SNX29: variants seen among roughly 807,000 people sequenced by gnomAD.
SNX29 encodes sorting nexin 29, also known as sorting nexin-29.
A neutral mutation model predicts 102.1 loss-of-function variants in SNX29; 78 were observed. That is an observed-to-expected ratio of 0.76 (90% CI 0.64 to 0.92). SNX29 has a LOEUF of 0.92. Ranked by LOEUF, SNX29 falls within the 40% of genes least tolerant of loss-of-function variation. The pLI is 0.00. For missense variants in SNX29, 1,280 were observed against 1,061.7 expected, an observed-to-expected ratio of 1.21 and a Z score of -2.86; for synonymous variants, 580 against 414.5, an observed-to-expected ratio of 1.40 and a Z score of -4.85.
intron 15 of SNX29, among the ~76,000 whole-genome samples, chr16:12,321,809 C>T (rs542608021): frequency 7.2e-5 from 11 of 152,306 alleles, no homozygotes; most frequent in African/African-American, 2.6e-4. Flanking sequence ...CTACCACCCA[C>T]TCAAAGAGCA....
intron 17 of SNX29, among the ~76,000 whole-genome samples, chr16:12,402,626 A>G (rs1183938670): frequency 1.6e-4 from 25 of 152,218 alleles, no homozygotes; most frequent in Admixed American, 1.6e-3. Context: ...TAAAGTCATC[A>G]CAGAAGACAA....
At chr16:12,069,951 T>C (rs2051219407) in intron 10 of SNX29, among the ~76,000 whole-genome samples, 1 of 133,012 alleles carries the variant, frequency 7.5e-6, no homozygotes, top group Non-Finnish European at 1.6e-5. Flanking sequence ...GTGCTGGGAT[T>C]ACAGGCCACC....
At position 12,571,959 on chromosome 16, in the gene SNX29, A is replaced by G. The variant is rs979491131; in HGVS notation, c.*3330A>G. 1.1e-4 allele frequency: 113 copies of G among 1,061,592 alleles called. No individual in the cohort carries two copies. The highest frequency in any genetic ancestry group is 1.3e-4 in the Non-Finnish European group (111 of 876,980). The allele number at this position is 1,061,592 out of a possible 1,614,324, so 65.8% of individuals were successfully genotyped here. On this transcript the variant is annotated 3_prime_UTR_variant, in exon 21 of 21. Coordinates refer to ENST00000566228, the MANE Select transcript of SNX29 (RefSeq NM_032167.5). The stretch of plus-strand genomic sequence containing the variant: ...ACACTTTCAGGGAAGAGGCTCTTAC[A>G]GTCTATGGTGGTAGCCATCTTCACA...
chr16:12,479,243 C>G (rs1348330314), intron 19 of SNX29, among the ~76,000 whole-genome samples: 1 of 152,208 alleles, frequency 6.6e-6, no homozygotes, highest in Admixed American at 6.5e-5. Flanking sequence ...TTGACAAAGC[C>G]ATGTGGCAGA....
At chr16:12,027,224 C>T (rs550615304) in intron 3 of SNX29, 96 bp from the exon 4 acceptor site, 49 of 1,512,482 alleles carry the variant, frequency 3.2e-5, no homozygotes, top group Non-Finnish European at 4.0e-5. Flanking sequence ...CTGAGGTTTA[C>T]ACCTGGCGGC....
chr16:12,180,192 A>G (rs887215642), intron 13 of SNX29, among the ~76,000 whole-genome samples: 1 of 152,096 alleles, frequency 6.6e-6, no homozygotes, highest in Non-Finnish European at 1.5e-5. Flanking sequence ...AAAAAAACAA[A>G]CAAAAAACAA....
chr16:12,541,902 G>A (rs993888994), intron 20 of SNX29, among the ~76,000 whole-genome samples: 1 of 152,196 alleles, frequency 6.6e-6, no homozygotes, highest in Admixed American at 6.5e-5. Flanking sequence ...TGATGCAACA[G>A]ATGTTTTCCA....
chr16:12,449,331 G>A (rs542867048), intron 18 of SNX29, among the ~76,000 whole-genome samples: 9 of 151,846 alleles, frequency 5.9e-5, no homozygotes, highest in South Asian at 4.2e-4. Flanking sequence ...AAGAAGGCAC[G>A]GTGGGGACAA....
chr16:12,102,332 G>T (rs145841140), intron 11 of SNX29, among the ~76,000 whole-genome samples: 28,996 of 152,164 alleles, frequency 0.19, 3,182 homozygotes, highest in Middle Eastern at 0.26. Flanking sequence ...GATCCTTGAG[G>T]AATTGCCACA....
chr16:12,043,604 A>G (rs2049973542), intron 5 of SNX29, among the ~76,000 whole-genome samples: 1 of 151,438 alleles, frequency 6.6e-6, no homozygotes, highest in Non-Finnish European at 1.5e-5. Context: ...TAATCTTCCC[A>G]CCTCAGCCTC....
At chr16:12,374,641 T>C (rs1472973585) in intron 16 of SNX29, 3 of 152,184 alleles carry the variant, frequency 2.0e-5, no homozygotes, top group South Asian at 4.1e-4. Flanking sequence ...ACAAAGTGAG[T>C]GTGGGCCTCT....
intron 16 of SNX29, among the ~76,000 whole-genome samples, chr16:12,395,664 A>C (rs1182961167): frequency 1.3e-5 from 2 of 152,174 alleles, no homozygotes; most frequent in Admixed American, 1.3e-4. Flanking sequence ...TAAACTAAAG[A>C]GAAATCTGCA....
chr16:12,451,558 T>C (rs1257851223), intron 18 of SNX29, among the ~76,000 whole-genome samples: 1 of 152,228 alleles, frequency 6.6e-6, no homozygotes, highest in Non-Finnish European at 1.5e-5. Context: ...TGCCATGCAC[T>C]GGTTGCATTC....
At chr16:12,351,370 A>C (rs766287256) in intron 15 of SNX29, among the ~76,000 whole-genome samples, 3 of 147,820 alleles carry the variant, frequency 2.0e-5, no homozygotes, top group Non-Finnish European at 2.9e-5. Context: ...AAAACGTAAC[A>C]GATTCTAAGG....
At chr16:12,143,507 C>G (rs938155261) in intron 13 of SNX29, among the ~76,000 whole-genome samples, 1 of 152,142 alleles carries the variant, frequency 6.6e-6, no homozygotes, top group African/African-American at 2.4e-5. Context: ...TTCCACCGCT[C>G]CTAGATGTGG....
intron 13 of SNX29, among the ~76,000 whole-genome samples, chr16:12,172,945 T>G (rs904639523): frequency 1.3e-5 from 2 of 152,190 alleles, no homozygotes; most frequent in South Asian, 4.1e-4. Context: ...TGAAGTCAGG[T>G]GAAATATGGA....
chr16:12,388,234 A>G (rs763488601), intron 16 of SNX29, among the ~76,000 whole-genome samples: 4 of 152,204 alleles, frequency 2.6e-5, no homozygotes, highest in African/African-American at 4.8e-5. Context: ...GGATTCAGCC[A>G]AAGTTGGCTT....
intron 13 of SNX29, among the ~76,000 whole-genome samples, chr16:12,146,567 A>G (rs183809870): frequency 6.6e-6 from 1 of 152,294 alleles, no homozygotes; most frequent in Admixed American, 6.5e-5. Context: ...CACCCAGCCA[A>G]GAGATATGAA....
At chr16:12,357,802 C>G (rs542319035) in intron 16 of SNX29, among the ~76,000 whole-genome samples, 14 of 152,204 alleles carry the variant, frequency 9.2e-5, no homozygotes, top group Non-Finnish European at 1.8e-4. Context: ...TCATCTCTCT[C>G]TCTCCCCTTC....
Sources: allele counts gnomAD v4.1 joint callset (sites outside exome capture counted in the v4.1 genomes callset), GRCh38; gene constraint gnomAD v4.1.1; transcripts MANE v1.5; gene names NCBI Gene and HGNC (gene_info 2026-07-23, HGNC 2026-07-21).